The following NCAM1 variants were observed in gnomAD, a reference collection of about 807,000 sequenced individuals.
NCAM1 encodes antigen recognized by monoclonal antibody 5.1H11.
NCAM1 carries 14 observed loss-of-function variants against 109.8 expected under a neutral mutation model. That is an observed-to-expected ratio of 0.13 (90% confidence interval 0.08 to 0.20). NCAM1 has a LOEUF of 0.20. NCAM1 is among the 10% of genes least tolerant of loss of function. The pLI is 1.00. For missense variants in NCAM1, 774 were observed against 1,109.9 expected (o/e 0.70, Z 4.30); for synonymous variants, 418 against 442.9 (o/e 0.94, Z 0.70).
intron 1 of NCAM1, among the ~76,000 whole-genome samples, chr11:113,022,157 T>C (rs1472325755): frequency 6.6e-6 from 1 of 152,238 alleles, no homozygotes; most frequent in Non-Finnish European, 1.5e-5. Flanking sequence ...AACAGGCCTC[T>C]GACTTACTTC....
intron 1 of NCAM1, among the ~76,000 whole-genome samples, chr11:113,021,289 G>T (rs1379002729): frequency 6.6e-6 from 1 of 152,176 alleles, no homozygotes; most frequent in Non-Finnish European, 1.5e-5. Context: ...GTCCATCTAA[G>T]TTCTCAGACC....
chr11:113,269,886 C>T lies in NCAM1; in HGVS notation c.2132-302C>T, dbSNP rs1329793795. ...AGCGCCCTCCAACTGCCTCATTATCCGGTGTTCTCAGACAGGCGGGGCTCA... is the reference window on the plus strand; with the variant it reads ...AGCGCCCTCCAACTGCCTCATTATCTGGTGTTCTCAGACAGGCGGGGCTCA... On this transcript the variant is annotated intron_variant, in intron 17 of 19. Transcript: ENST00000316851. The T allele has an allele frequency of 3.3e-5, 15 of 450,682 alleles. 2 individuals are homozygous for T. Among genetic ancestry groups the T allele is most frequent in the South Asian group, 1.5e-4 (6 of 40,668 alleles). The allele number at this position is 450,682 out of a possible 1,614,324, so 27.9% of individuals were successfully genotyped here.
chr11:113,241,433 A>G (rs1945322047), intron 14 of NCAM1, among the ~76,000 whole-genome samples: 1 of 152,186 alleles, frequency 6.6e-6, no homozygotes, highest in Non-Finnish European at 1.5e-5. Flanking sequence ...AGCCTTGTTT[A>G]TCTCCTCTGT....
chr11:112,980,953 T>C (rs1465113757), intron 1 of NCAM1, among the ~76,000 whole-genome samples: 1 of 151,872 alleles, frequency 6.6e-6, no homozygotes, highest in Non-Finnish European at 1.5e-5. Context: ...AGCATCTGTT[T>C]CTGCCGGTCT....
intron 1 of NCAM1, among the ~76,000 whole-genome samples, chr11:112,989,391 G>A (rs1669835515): frequency 6.6e-6 from 1 of 152,074 alleles, no homozygotes; most frequent in Admixed American, 6.6e-5. Context: ...GATTGAGTCT[G>A]TTGTTGAAGC....
intron 1 of NCAM1, among the ~76,000 whole-genome samples, chr11:113,130,995 C>A (rs985649471): frequency 2.0e-5 from 3 of 152,186 alleles, no homozygotes; most frequent in Non-Finnish European, 4.4e-5. Flanking sequence ...CTTTTCTTTT[C>A]TATTCCTCCT....
At position 113,166,083 on chromosome 11, in the gene NCAM1, G is replaced by A. The variant is rs569054765; in HGVS notation, c.53-36296G>A. ...CCTGACCTCGTGATCTGCCTGCCTCGGCCTCCCAAAGTGCTGGGATTACAG... is the reference window on the plus strand; with the variant it reads ...CCTGACCTCGTGATCTGCCTGCCTCAGCCTCCCAAAGTGCTGGGATTACAG... On this transcript the variant is annotated intron_variant, in intron 1 of 19. Transcript: ENST00000316851. 2.6e-5 allele frequency among the ~76,000 whole-genome samples: 4 copies of A among 151,964 alleles called. No homozygotes were observed. In the South Asian group the frequency reaches 6.2e-4, roughly 24 times the overall value.
intron 9 of NCAM1, 132 bp downstream of exon 9, chr11:113,221,457 A>G (rs1944692297): frequency 3.3e-6 from 3 of 917,990 alleles, no homozygotes; most frequent in Non-Finnish European, 5.0e-6. Context: ...ATAGTGGTAG[A>G]CATTACTTAG....
chr11:113,187,434 GT>G (rs1943541534), intron 1 of NCAM1, among the ~76,000 whole-genome samples: 1 of 152,096 alleles, frequency 6.6e-6, no homozygotes, highest in Non-Finnish European at 1.5e-5. Flanking sequence ...TTACCTAGAA[GT>G]TTTGGAGAAA....
chr11:113,109,475 A>G (rs1320287509), intron 1 of NCAM1, among the ~76,000 whole-genome samples: 1 of 152,204 alleles, frequency 6.6e-6, no homozygotes, highest in Non-Finnish European at 1.5e-5. Flanking sequence ...GAGAGCAAAA[A>G]TTGATGATTG....
In NCAM1 at chr11:113,142,021, C is replaced by T. The variant is rs552599085; in HGVS notation, c.53-60358C>T. Among the ~76,000 whole-genome samples, 6 of 152,252 alleles carry T rather than the reference C, an allele frequency of 3.9e-5. No homozygotes were observed. In the East Asian group the frequency reaches 5.8e-4, roughly 15 times the overall value. The stretch of plus-strand genomic sequence containing the variant: ...GAATAAGCTTAACTGTTTTGACAAA[C>T]GGCCCCTAATTTTTCCGTCTGGGCT... On this transcript the variant is annotated intron_variant, in intron 1 of 19. Transcript: ENST00000316851.
intron 10 of NCAM1, 130 bp downstream of exon 10, chr11:113,231,925 G>A: frequency 7.8e-7 from 1 of 1,283,332 alleles, no homozygotes. Flanking sequence ...GCTGACCCTG[G>A]GCTATTTCAG....
intron 15 of NCAM1, among the ~76,000 whole-genome samples, chr11:113,249,445 G>A (rs1429500605): frequency 6.6e-6 from 1 of 152,082 alleles, no homozygotes; most frequent in Non-Finnish European, 1.5e-5. Context: ...CTGTGGGCAG[G>A]GACTGTGGGC....
intron 1 of NCAM1, among the ~76,000 whole-genome samples, chr11:113,017,397 C>A (rs992457651): frequency 2.6e-5 from 4 of 152,268 alleles, no homozygotes; most frequent in Non-Finnish European, 5.9e-5. Context: ...TGAAGATTCT[C>A]CTTCTCTTCA....
chr11:113,032,818 G>T (rs1454166337), intron 1 of NCAM1, among the ~76,000 whole-genome samples: 1 of 152,182 alleles, frequency 6.6e-6, no homozygotes, highest in African/African-American at 2.4e-5. Context: ...GGGGAAATGA[G>T]CTGATTATTT....
chr11:113,036,199 G>A (rs1241621542), intron 1 of NCAM1, among the ~76,000 whole-genome samples: 1 of 152,038 alleles, frequency 6.6e-6, no homozygotes, highest in African/African-American at 2.4e-5. Flanking sequence ...CCTCTGGTTT[G>A]GAAGTTCTAA....
At chr11:113,060,689 G>A (rs782681896) in intron 1 of NCAM1, among the ~76,000 whole-genome samples, 13 of 152,102 alleles carry the variant, frequency 8.5e-5, no homozygotes, top group Non-Finnish European at 1.8e-4. Context: ...TTTTTTGGTT[G>A]CAGATTTTAT....
chr11:113,179,601 A>G (rs1160070905), intron 1 of NCAM1, among the ~76,000 whole-genome samples: 2 of 152,222 alleles, frequency 1.3e-5, no homozygotes, highest in African/African-American at 4.8e-5. Flanking sequence ...GCTCTGCTTA[A>G]TAAGTGAACA....
chr11:113,271,391 A>G (rs1169704426), intron 18 of NCAM1, among the ~76,000 whole-genome samples: 10 of 151,148 alleles, frequency 6.6e-5, no homozygotes, highest in Admixed American at 2.6e-4. Context: ...AAAAAAAAAA[A>G]AAAAAGAAAA....
Sources: gnomAD v4.1 joint callset for allele counts (sites outside exome capture counted in the v4.1 genomes callset) on GRCh38, gnomAD v4.1.1 for gene constraint, MANE v1.5 for transcripts, NCBI Gene and HGNC (gene_info 2026-07-23, HGNC 2026-07-21) for gene names.